The following RALYL variants were observed in gnomAD, a reference collection of about 807,000 sequenced individuals.
RALYL encodes RALY RNA binding protein like, also known as RNA-binding Raly-like protein.
RALYL carries 29 observed loss-of-function variants against 35.1 expected under a neutral mutation model. The observed-to-expected ratio is 0.83, with a 90% CI of 0.61 to 1.13. The LOEUF is 1.13. Ranked by LOEUF, RALYL falls within the 50% of genes most tolerant of loss-of-function variation. RALYL has a pLI of 0.00. For missense variants in RALYL, 359 were observed against 360.4 expected (o/e 1.00, Z 0.03); for synonymous variants, 120 against 127.6 (o/e 0.94, Z 0.40).
chr8:84,774,443 A>G (rs972546693), intron 2 of RALYL, 136 bp from the exon 3 acceptor site: 2 of 637,894 alleles, frequency 3.1e-6, no homozygotes, highest in Admixed American at 2.8e-5. Context: ...TGCTCAATAA[A>G]CATATGTTGA....
intron 1 of RALYL, among the ~76,000 whole-genome samples, chr8:84,378,563 G>A (rs1237725162): frequency 4.0e-5 from 6 of 151,862 alleles, no homozygotes; most frequent in African/African-American, 1.4e-4. Flanking sequence ...ATTGTCCTTT[G>A]TAAAATTTCG....
intron 2 of RALYL, among the ~76,000 whole-genome samples, chr8:84,637,547 G>A (rs1458100987): frequency 6.6e-6 from 1 of 151,782 alleles, no homozygotes; most frequent in Non-Finnish European, 1.5e-5. Flanking sequence ...AACTAGTAAT[G>A]GGGAAGTGGC....
intron 2 of RALYL, among the ~76,000 whole-genome samples, chr8:84,740,904 T>C (rs572659705): frequency 6.6e-6 from 1 of 152,122 alleles, no homozygotes; most frequent in East Asian, 1.9e-4. Context: ...GTAACTAAAG[T>C]ACCAGGTGAC....
intron 1 of RALYL, among the ~76,000 whole-genome samples, chr8:84,320,136 T>C (rs1042530641): frequency 6.6e-6 from 1 of 152,058 alleles, no homozygotes; most frequent in African/African-American, 2.4e-5. Flanking sequence ...CACACATATC[T>C]ATCAAAGTCA....
intron 2 of RALYL, among the ~76,000 whole-genome samples, chr8:84,740,122 CA>C (rs1563489763): frequency 6.6e-6 from 1 of 151,852 alleles, no homozygotes; most frequent in Non-Finnish European, 1.5e-5. Context: ...TATGAACGAG[CA>C]GATGGAAAAG....
intron 3 of RALYL, 80 bp downstream of exon 3, chr8:84,774,734 C>T: frequency 1.2e-6 from 1 of 849,318 alleles, no homozygotes; most frequent in Non-Finnish European, 1.9e-6. Flanking sequence ...ACTTGTAAGG[C>T]ATCCACTATT....
chr8:84,737,154 C>T (rs1448063871), intron 2 of RALYL, among the ~76,000 whole-genome samples: 1 of 152,018 alleles, frequency 6.6e-6, no homozygotes, highest in Admixed American at 6.6e-5. Flanking sequence ...TCTGATTCCA[C>T]ATTCTGTGGT....
intron 5 of RALYL, among the ~76,000 whole-genome samples, chr8:84,856,775 T>C (rs1837076558): frequency 6.6e-6 from 1 of 151,634 alleles, no homozygotes; most frequent in Non-Finnish European, 1.5e-5. Flanking sequence ...ACGCCTGTAA[T>C]CCCAGCACTT....
intron 2 of RALYL, among the ~76,000 whole-genome samples, chr8:84,674,037 T>A (rs964517207): frequency 6.6e-6 from 1 of 152,080 alleles, no homozygotes; most frequent in Non-Finnish European, 1.5e-5. Context: ...ATTTGTGTGA[T>A]CTCTGATTTC....
rs1554614840 is a variant in RALYL, at chr8:84,311,090, A to AAAAAAAAAAAAATAT, written c.-24+126667_-24+126668insAAAAAAAAAAATATA. On this transcript the variant is annotated intron_variant, in intron 1 of 8. Transcript: ENST00000521268. Reference sequence around the variant, plus strand: ...AAAAAAAAAAAAAAAAAAAAAAAAAAATGTATATTAATGTATAGTATAAAT... The same window carrying AAAAAAAAAAAAATAT: ...AAAAAAAAAAAAAAAAAAAAAAAAAAAAAAAAAAAAAATATATGTATATTAATGTATAGTATAAAT... 2.0e-4 allele frequency among the ~76,000 whole-genome samples: 20 copies of AAAAAAAAAAAAATAT among 99,768 alleles called. 1 individual carries two copies. The highest frequency in any genetic ancestry group is 4.9e-4 in the Admixed American group (4 of 8,218). 65.5% of individuals were successfully genotyped at this position (99,768 alleles called of 152,430 possible). A position where few individuals can be genotyped will look rare whatever the true frequency, so the allele number is the denominator to read the frequency against.
intron 4 of RALYL, among the ~76,000 whole-genome samples, chr8:84,838,460 C>T (rs1291585320): frequency 6.6e-6 from 1 of 152,156 alleles, no homozygotes; most frequent in Non-Finnish European, 1.5e-5. Flanking sequence ...GATTTTATAG[C>T]TTATGACCTG....
intron 1 of RALYL, among the ~76,000 whole-genome samples, chr8:84,409,627 A>G (rs1210858791): frequency 2.6e-5 from 4 of 152,028 alleles, no homozygotes; most frequent in Non-Finnish European, 4.4e-5. Flanking sequence ...TAAGTTTATG[A>G]CATTTTTTAA....
intron 1 of RALYL, among the ~76,000 whole-genome samples, chr8:84,415,418 T>G (rs1455841783): frequency 6.6e-6 from 1 of 152,052 alleles, no homozygotes; most frequent in Non-Finnish European, 1.5e-5. Flanking sequence ...TTTTGTATCT[T>G]TAGTAGAGAT....
intron 2 of RALYL, among the ~76,000 whole-genome samples, chr8:84,537,924 A>G (rs561155579): frequency 6.6e-6 from 1 of 152,332 alleles, no homozygotes; most frequent in African/African-American, 2.4e-5. Flanking sequence ...GTATGTATGT[A>G]TGTATAAATC....
intron 1 of RALYL, among the ~76,000 whole-genome samples, chr8:84,188,277 C>A (rs908065844): frequency 6.6e-6 from 1 of 151,924 alleles, no homozygotes; most frequent in Admixed American, 6.6e-5. Context: ...CTTCTTTTAT[C>A]ATACTGTCAT....
At chr8:84,563,424 A>G (rs941136303) in intron 2 of RALYL, among the ~76,000 whole-genome samples, 2 of 151,878 alleles carry the variant, frequency 1.3e-5, no homozygotes, top group Non-Finnish European at 2.9e-5. Context: ...AGACTATTAC[A>G]TTGGCACTCA....
chr8:84,855,387 A>C (rs1563751530), intron 5 of RALYL, among the ~76,000 whole-genome samples: 2 of 152,160 alleles, frequency 1.3e-5, no homozygotes, highest in African/African-American at 2.4e-5. Context: ...AGGGTTTCCA[A>C]CCCTTAGATA....
intron 3 of RALYL, among the ~76,000 whole-genome samples, chr8:84,784,691 CTGTT>C (rs1425115461): frequency 2.0e-5 from 3 of 151,914 alleles, no homozygotes; most frequent in Non-Finnish European, 4.4e-5. Context: ...CTTACATAAA[CTGTT>C]TGGTGTCTTT....
In RALYL at chr8:84,384,714, G is replaced by A. The variant is rs147285893; in HGVS notation, c.-23-144585G>A. ...CTTACTCTGTGAATTCAAATTCTCT[G>A]ATAAGCACCATCCTTCGCTCTGTGG... is the stretch of plus-strand genomic sequence containing the variant. On this transcript the variant is annotated intron_variant, in intron 1 of 8. Coordinates refer to ENST00000521268, the MANE Select transcript of RALYL (RefSeq NM_173848.7). Among the ~76,000 whole-genome samples, 474 of 151,714 alleles carry A rather than the reference G, an allele frequency of 3.1e-3. 1 individual carries two copies. The highest frequency in any genetic ancestry group is 7.0e-3 in the Admixed American group (106 of 15,206).
Sources: allele counts gnomAD v4.1 joint callset (sites outside exome capture counted in the v4.1 genomes callset), GRCh38; gene constraint gnomAD v4.1.1; transcripts MANE v1.5; gene names NCBI Gene and HGNC (gene_info 2026-07-23, HGNC 2026-07-21).